The following LRP1B variants were observed in gnomAD, a reference collection of about 807,000 sequenced individuals.
LRP1B encodes the protein LDL receptor related protein 1B, also known as low-density lipoprotein receptor-related protein 1B.
LRP1B carries 217 observed loss-of-function variants against 556.6 expected under a neutral mutation model. The ratio of observed to expected loss-of-function variants is 0.39; its 90% CI spans 0.35 to 0.44. LRP1B has a LOEUF of 0.44. LRP1B is among the 20% of genes least tolerant of loss of function. LRP1B has a pLI of 1.00. For missense variants in LRP1B, 5,053 were observed against 5,620.8 expected, an observed-to-expected ratio of 0.90 and a Z score of 3.23; for synonymous variants, 2,047 against 1,865.8, an observed-to-expected ratio of 1.10 and a Z score of -2.50.
Position 140,601,658 on chromosome 2 carries a change from G to GA in LRP1B, c.6800-20dup, listed in dbSNP as rs1452717469. 3.3e-6 allele frequency: 5 copies of GA among 1,523,240 alleles called. No homozygotes were observed. Among genetic ancestry groups the GA allele is most frequent in the African/African-American group, 1.4e-5 (1 of 72,248 alleles). The allele number at this position is 1,523,240 out of a possible 1,614,324, so 94.4% of individuals were successfully genotyped here. On this transcript the variant is annotated intron_variant, in intron 41 of 90. Coordinates refer to ENST00000389484, the MANE Select transcript of LRP1B (RefSeq NM_018557.3). The stretch of plus-strand genomic sequence containing the variant: ...CCCACATCTAGTGGGGGAAGAAAAA[G>GA]AAAAAATATATACTTTTATTTACAA...
At chr2:140,501,607 C>T in intron 55 of LRP1B, 80 bp downstream of exon 55, 1 of 1,022,368 alleles carries the variant, frequency 9.8e-7, no homozygotes. Context: ...TTAACTTTTT[C>T]ATCTATATTG....
At chr2:140,854,904 A>G (rs554017135) in intron 27 of LRP1B, among the ~76,000 whole-genome samples, 5 of 152,312 alleles carry the variant, frequency 3.3e-5, no homozygotes, top group African/African-American at 9.6e-5. Context: ...TATTCCATGT[A>G]TTTGTATTCA....
chr2:141,586,724 CA>C lies in LRP1B; in HGVS notation c.206-106192del, dbSNP rs558816053. Reference sequence around the variant, plus strand: ...TTGGGAGGCCGAGGCGGGTGGATCACAAGGTCAGGAGATCGAGACCATCCTG... The same window carrying C: ...TTGGGAGGCCGAGGCGGGTGGATCACAGGTCAGGAGATCGAGACCATCCTG... On this transcript the variant is annotated intron_variant, in intron 2 of 90. Coordinates refer to ENST00000389484, the MANE Select transcript of LRP1B (RefSeq NM_018557.3). Among the ~76,000 whole-genome samples the C allele has an allele frequency of 4.3e-3, 653 of 152,188 alleles. 2 individuals are homozygous for C. Among genetic ancestry groups the C allele is most frequent in the Non-Finnish European group, 6.8e-3 (463 of 68,004 alleles).
chr2:141,123,263 TA>T (rs934761328), intron 7 of LRP1B, among the ~76,000 whole-genome samples: 1 of 146,020 alleles, frequency 6.8e-6, no homozygotes, highest in African/African-American at 2.5e-5. Context: ...AATAAATAAA[TA>T]AAAAAAAGAA....
intron 11 of LRP1B, among the ~76,000 whole-genome samples, chr2:141,028,495 A>G (rs528208341): frequency 6.6e-6 from 1 of 152,132 alleles, no homozygotes; most frequent in Admixed American, 6.6e-5. Context: ...AACGTTACAG[A>G]AGTTTAAATA....
intron 3 of LRP1B, among the ~76,000 whole-genome samples, chr2:141,417,664 T>C (rs2104956639): frequency 6.6e-6 from 1 of 152,202 alleles, no homozygotes; most frequent in Non-Finnish European, 1.5e-5. Context: ...TATGCTGCAG[T>C]GAACATGGGA....
intron 1 of LRP1B, among the ~76,000 whole-genome samples, chr2:142,048,001 C>A (rs545212816): frequency 1.3e-5 from 2 of 151,946 alleles, no homozygotes; most frequent in African/African-American, 4.8e-5. Flanking sequence ...TAAGTATGAG[C>A]GTATTACCGT....
chr2:141,287,678 G>A (rs747543421), intron 3 of LRP1B, among the ~76,000 whole-genome samples: 15 of 151,888 alleles, frequency 9.9e-5, no homozygotes, highest in Non-Finnish European at 1.6e-4. Context: ...ATTTCTTATC[G>A]TTATGCTTTA....
intron 32 of LRP1B, among the ~76,000 whole-genome samples, chr2:140,810,989 C>A (rs189449461): frequency 1.6e-4 from 25 of 152,284 alleles, no homozygotes; most frequent in African/African-American, 5.3e-4. Context: ...CCTGGCCCAG[C>A]CTCACAAAGT....
chr2:140,903,441 T>C (rs184685592), intron 22 of LRP1B, among the ~76,000 whole-genome samples: 24 of 152,204 alleles, frequency 1.6e-4, no homozygotes, highest in Middle Eastern at 3.4e-3. Flanking sequence ...GCCCCACAGA[T>C]GTAAAGTGAG....
intron 31 of LRP1B, among the ~76,000 whole-genome samples, chr2:140,837,698 C>A (rs1691956640): frequency 1.3e-5 from 2 of 151,762 alleles, no homozygotes; most frequent in African/African-American, 4.8e-5. Flanking sequence ...GGACAAAAAA[C>A]CAAACACCGC....
intron 2 of LRP1B, among the ~76,000 whole-genome samples, chr2:141,657,870 C>G (rs1292530982): frequency 6.6e-6 from 1 of 152,144 alleles, no homozygotes. Context: ...AATCAGCATT[C>G]CACATACGCT....
In LRP1B at chr2:141,398,542, G is replaced by T. The variant is rs59569034; in HGVS notation, c.343+81854C>A. ...ATTCTGTGAAGAAGACACTACTATTGTTCTCATTTTAATGTCATCATTGTA... is the reference window on the plus strand; with the variant it reads ...ATTCTGTGAAGAAGACACTACTATTTTTCTCATTTTAATGTCATCATTGTA... On this transcript the variant is annotated intron_variant, in intron 3 of 90. Transcript: ENST00000389484. 9.3e-3 allele frequency among the ~76,000 whole-genome samples: 1,409 copies of T among 152,104 alleles called. 19 individuals carry two copies. The highest frequency in any genetic ancestry group is 0.031 in the African/African-American group (1,294 of 41,448).
At chr2:140,321,670 T>C (rs1279089964) in intron 82 of LRP1B, among the ~76,000 whole-genome samples, 1 of 131,560 alleles carries the variant, frequency 7.6e-6, no homozygotes. Flanking sequence ...TATTGTTTTA[T>C]CTAATAGAAG....
At chr2:141,276,396 G>A (rs1210300608) in intron 3 of LRP1B, among the ~76,000 whole-genome samples, 2 of 151,942 alleles carry the variant, frequency 1.3e-5, no homozygotes, top group African/African-American at 2.4e-5. Flanking sequence ...TTGTCACTGA[G>A]GTAATAAGCA....
intron 23 of LRP1B, among the ~76,000 whole-genome samples, chr2:140,900,906 C>G (rs1694085740): frequency 6.6e-6 from 1 of 152,034 alleles, no homozygotes; most frequent in African/African-American, 2.4e-5. Context: ...TCCAGGATTT[C>G]TGGAGATGAA....
intron 6 of LRP1B, 43 bp from the exon 7 acceptor site, chr2:141,188,626 C>T (rs781323498): frequency 6.5e-7 from 1 of 1,548,978 alleles, no homozygotes; most frequent in Non-Finnish European, 8.9e-7. Context: ...CAGGTGCAAT[C>T]TAGCATCATG....
At chr2:141,035,450 G>C (rs926866836) in intron 11 of LRP1B, among the ~76,000 whole-genome samples, 1 of 151,814 alleles carries the variant, frequency 6.6e-6, no homozygotes, top group African/African-American at 2.4e-5. Flanking sequence ...TTAGTCCCTC[G>C]TTTCATTTAT....
At chr2:142,126,806 ATAAAG>A (rs1460636627) in intron 1 of LRP1B, among the ~76,000 whole-genome samples, 2 of 151,916 alleles carry the variant, frequency 1.3e-5, no homozygotes, top group Admixed American at 1.3e-4. Context: ...GAGAAAAGAC[ATAAAG>A]TTCCCTCAAC....
Sources: allele counts gnomAD v4.1 joint callset (sites outside exome capture counted in the v4.1 genomes callset), GRCh38; gene constraint gnomAD v4.1.1; transcripts MANE v1.5; gene names NCBI Gene and HGNC (gene_info 2026-07-23, HGNC 2026-07-21).